DLG2: variants seen among roughly 807,000 people sequenced by gnomAD.
DLG2 encodes disks large homolog 2.
Under a neutral mutation model 132.5 loss-of-function variants are expected in DLG2, and 45 were observed. The ratio of observed to expected loss-of-function variants is 0.34; its 90% CI spans 0.27 to 0.44. The LOEUF (loss-of-function observed/expected upper bound fraction) is 0.44, where lower values mean the gene tolerates loss of function less well. Among genes scored for constraint, DLG2 ranks in the 20% least tolerant of loss-of-function variants. The pLI is 1.00. For synonymous variants in DLG2, 424 were observed against 419.6 expected (o/e 1.01, Z -0.13); for missense variants, 1,045 against 1,196.9 (o/e 0.87, Z 1.87).
chr11:84,614,777 A>G (rs1309229007), intron 6 of DLG2, among the ~76,000 whole-genome samples: 1 of 152,190 alleles, frequency 6.6e-6, no homozygotes, highest in Non-Finnish European at 1.5e-5. Context: ...AGAATGCTAT[A>G]TAACACAAGA....
chr11:84,453,141 C>G (rs1013137845), intron 7 of DLG2, among the ~76,000 whole-genome samples: 1 of 151,506 alleles, frequency 6.6e-6, no homozygotes, highest in Non-Finnish European at 1.5e-5. Context: ...TTTTAGACAT[C>G]TGACTGAAGA....
intron 7 of DLG2, among the ~76,000 whole-genome samples, chr11:84,308,424 A>T (rs1599578607): frequency 5.3e-5 from 8 of 152,192 alleles, no homozygotes; most frequent in Admixed American, 4.6e-4. Context: ...TGTATTTACA[A>T]TCCCTTAGCT....
At chr11:85,351,828 T>C (rs1401773466) in intron 3 of DLG2, among the ~76,000 whole-genome samples, 3 of 152,212 alleles carry the variant, frequency 2.0e-5, no homozygotes, top group Non-Finnish European at 4.4e-5. Flanking sequence ...TTACAGAGGA[T>C]GTTCATATCG....
At chr11:83,801,167 T>A (rs2044278265) in intron 17 of DLG2, among the ~76,000 whole-genome samples, 1 of 152,104 alleles carries the variant, frequency 6.6e-6, no homozygotes, top group South Asian at 2.1e-4. Flanking sequence ...ATGCAATCCC[T>A]TAGTTCATAG....
intron 3 of DLG2, among the ~76,000 whole-genome samples, chr11:85,358,549 A>G (rs1314860858): frequency 6.6e-6 from 1 of 152,218 alleles, no homozygotes; most frequent in Non-Finnish European, 1.5e-5. Flanking sequence ...CAGGGCAGTG[A>G]AAGGGATGCT....
intron 6 of DLG2, among the ~76,000 whole-genome samples, chr11:84,833,546 G>T (rs1193508049): frequency 6.6e-6 from 1 of 151,112 alleles, no homozygotes; most frequent in African/African-American, 2.4e-5. Flanking sequence ...CAACTCCTTA[G>T]TATGTAATTT....
chr11:83,574,339 G>A (rs1383659367), intron 19 of DLG2, among the ~76,000 whole-genome samples: 1 of 152,052 alleles, frequency 6.6e-6, no homozygotes, highest in Non-Finnish European at 1.5e-5. Flanking sequence ...GAGTATAAAA[G>A]ATATATATGT....
intron 9 of DLG2, among the ~76,000 whole-genome samples, chr11:84,160,880 C>G (rs1236689719): frequency 6.6e-6 from 1 of 152,028 alleles, no homozygotes; most frequent in Non-Finnish European, 1.5e-5. Context: ...CTTGGATTTT[C>G]TCAAAAACAT....
intron 6 of DLG2, among the ~76,000 whole-genome samples, chr11:84,820,833 G>A (rs762276822): frequency 6.6e-6 from 1 of 151,570 alleles, no homozygotes; most frequent in Admixed American, 6.6e-5. Context: ...ACTTCTCACA[G>A]TACATTGTAA....
intron 9 of DLG2, among the ~76,000 whole-genome samples, chr11:84,161,083 G>C (rs2095536260): frequency 1.3e-5 from 2 of 152,228 alleles, no homozygotes; most frequent in African/African-American, 4.8e-5. Flanking sequence ...AGTGAGATGA[G>C]TGAGTGTTTC....
chr11:84,756,263 G>A (rs888357458), intron 6 of DLG2, among the ~76,000 whole-genome samples: 5 of 152,188 alleles, frequency 3.3e-5, no homozygotes, highest in African/African-American at 1.2e-4. Flanking sequence ...AGCAATAAGT[G>A]GTTGTAAAGT....
intron 6 of DLG2, among the ~76,000 whole-genome samples, chr11:84,683,517 C>A (rs1376788935): frequency 2.0e-5 from 3 of 152,136 alleles, no homozygotes; most frequent in Non-Finnish European, 2.9e-5. Flanking sequence ...GAAACAACTG[C>A]CCTTGCCATA....
chr11:83,955,006 C>G (rs2086471637), intron 14 of DLG2, among the ~76,000 whole-genome samples: 1 of 152,202 alleles, frequency 6.6e-6, no homozygotes, highest in Non-Finnish European at 1.5e-5. Context: ...TTGTTGGCTA[C>G]AGTTCCATAA....
chr11:85,207,558 A>G (rs896693173), intron 4 of DLG2, among the ~76,000 whole-genome samples: 7 of 152,134 alleles, frequency 4.6e-5, no homozygotes, highest in Admixed American at 2.6e-4. Context: ...TTTTTAATGC[A>G]ATTCTCAGTG....
At chr11:83,572,177 C>T (rs1208371808) in intron 19 of DLG2, among the ~76,000 whole-genome samples, 2 of 151,852 alleles carry the variant, frequency 1.3e-5, no homozygotes, top group African/African-American at 2.4e-5. Context: ...ATCTTAGAAC[C>T]TTCACTCCAA....
At chr11:85,409,466 T>C (rs901647258) in intron 3 of DLG2, among the ~76,000 whole-genome samples, 13 of 151,840 alleles carry the variant, frequency 8.6e-5, no homozygotes, top group African/African-American at 2.9e-4. Context: ...GCCTGAAAAT[T>C]ATGGTCAGGA....
intron 5 of DLG2, among the ~76,000 whole-genome samples, chr11:85,124,783 T>G (rs1008107898): frequency 2.6e-5 from 4 of 152,218 alleles, no homozygotes; most frequent in Non-Finnish European, 4.4e-5. Flanking sequence ...AATTCTTTTT[T>G]GTACATCATG....
intron 6 of DLG2, among the ~76,000 whole-genome samples, chr11:84,627,024 A>G (rs919653362): frequency 1.3e-5 from 2 of 151,922 alleles, no homozygotes; most frequent in Non-Finnish European, 2.9e-5. Flanking sequence ...GATGCCCGCC[A>G]CCACGCCCGC....
intron 4 of DLG2, among the ~76,000 whole-genome samples, chr11:85,177,205 C>A (rs533850551): frequency 1.3e-5 from 2 of 150,938 alleles, no homozygotes; most frequent in Non-Finnish European, 2.9e-5. Context: ...TGGAAACAGC[C>A]GAAATACTGC....
Sources: gnomAD v4.1 joint callset for allele counts (sites outside exome capture counted in the v4.1 genomes callset) on GRCh38, gnomAD v4.1.1 for gene constraint, MANE v1.5 for transcripts, NCBI Gene and HGNC (gene_info 2026-07-23, HGNC 2026-07-21) for gene names.